SLC5A4: variants seen among roughly 807,000 people sequenced by gnomAD.
SLC5A4 encodes the protein solute carrier family 5 member 4.
SLC5A4 carries 55 observed loss-of-function variants against 70.3 expected under a neutral mutation model. The ratio of observed to expected loss-of-function variants is 0.78; its 90% CI spans 0.63 to 0.98. The LOEUF (loss-of-function observed/expected upper bound fraction) is 0.98, where lower values mean the gene tolerates loss of function less well. Ranked by LOEUF, SLC5A4 falls within the 50% of genes least tolerant of loss-of-function variation. SLC5A4 has a pLI of 0.00. For synonymous variants in SLC5A4, 268 were observed against 305.7 expected, an observed-to-expected ratio of 0.88 and a Z score of 1.29; for missense variants, 735 against 839.2, an observed-to-expected ratio of 0.88 and a Z score of 1.53.
At chr22:32,240,154 G>T (rs1039113790) in intron 5 of SLC5A4, among the ~76,000 whole-genome samples, 1 of 151,782 alleles carries the variant, frequency 6.6e-6, no homozygotes, top group African/African-American at 2.4e-5. Flanking sequence ...GGTTAGTTAT[G>T]ATTATTTTTG....
At position 32,224,293 on chromosome 22, in the gene SLC5A4, A is replaced by C. The variant is rs1925266636; in HGVS notation, c.1639T>G (p.Leu547Val). 3 of 1,613,700 alleles carry C rather than the reference A, an allele frequency of 1.9e-6. No homozygotes were observed. The highest frequency in any genetic ancestry group is 2.5e-6 in the Non-Finnish European group (3 of 1,179,704). Residue 547 changes from leucine to valine, a missense_variant, in exon 13 of 15, where the codon TTA becomes GTA. Coordinates refer to ENST00000266086, the MANE Select transcript of SLC5A4 (RefSeq NM_014227.3). ...TGTACATCAGGAATGGGTTTTGTTA[A>C]GAGGGAAATTCCCAGGGTGACCAGC... The part of the protein sequence containing the change: ...SMLVTLGISL[L>V]TKPIPDVHLY...
the SLC5A4 span, among the ~76,000 whole-genome samples, chr22:32,263,749 C>T: frequency 7.9e-5 from 12 of 152,262 alleles, no homozygotes; most frequent in African/African-American, 1.9e-4. Flanking sequence ...CACATGCACA[C>T]GTATTTTTAT....
chr22:32,259,677 CT>C (rs1219792044), upstream of SLC5A4, among the ~76,000 whole-genome samples: 8 of 152,142 alleles, frequency 5.3e-5, no homozygotes, highest in Non-Finnish European at 1.2e-4. Flanking sequence ...GTCTTTGTCT[CT>C]TTTTGGTATC....
the SLC5A4 span, among the ~76,000 whole-genome samples, chr22:32,315,291 G>A: frequency 0.02 from 3,031 of 149,660 alleles, 43 homozygotes; most frequent in Non-Finnish European, 0.032. Flanking sequence ...AAACAGAACT[G>A]GCATAAATAA....
chr22:32,326,317 C>T, the SLC5A4 span, among the ~76,000 whole-genome samples: 312 of 148,428 alleles, frequency 2.1e-3, 3 homozygotes, highest in African/African-American at 6.1e-3. Context: ...CAGGCAATGG[C>T]ACGATCTTGG....
the SLC5A4 span, chr22:32,343,142 G>T: frequency 6.6e-6 from 1 of 152,220 alleles, no homozygotes; most frequent in Non-Finnish European, 1.5e-5. Flanking sequence ...ATCTCAAACT[G>T]TGAAATAAAC....
chr22:32,311,165 A>C, the SLC5A4 span, among the ~76,000 whole-genome samples: 2 of 152,150 alleles, frequency 1.3e-5, no homozygotes, highest in East Asian at 3.9e-4. Flanking sequence ...TTGTCCCTCG[A>C]ACTGAGTTCC....
chr22:32,218,818 G>C, intron 14 of SLC5A4, 93 bp from the exon 15 acceptor site: 1 of 852,764 alleles, frequency 1.2e-6, no homozygotes, highest in Non-Finnish European at 1.8e-6. Context: ...TGTAAAAAAT[G>C]ATTACAATCA....
the SLC5A4 span, among the ~76,000 whole-genome samples, chr22:32,345,985 C>CA: frequency 6.6e-6 from 1 of 152,268 alleles, no homozygotes; most frequent in South Asian, 2.1e-4. Context: ...CTCTACTTTC[C>CA]AAGCTACTGG....
At chr22:32,335,196 G>T in the SLC5A4 span, among the ~76,000 whole-genome samples, 17 of 152,288 alleles carry the variant, frequency 1.1e-4, no homozygotes, top group African/African-American at 4.1e-4. Context: ...CTCTGGCTCT[G>T]CCCAGTGAGA....
intron 4 of SLC5A4, among the ~76,000 whole-genome samples, chr22:32,248,348 T>C (rs1926951999): frequency 6.6e-6 from 1 of 152,102 alleles, no homozygotes; most frequent in South Asian, 2.1e-4. Flanking sequence ...CTTATCTGAG[T>C]TCCTCTCTCA....
At chr22:32,308,946 TTACC>T in the SLC5A4 span, among the ~76,000 whole-genome samples, 987 of 152,312 alleles carry the variant, frequency 6.5e-3, 14 homozygotes, top group African/African-American at 0.023. Flanking sequence ...TCCTTCCTTC[TTACC>T]TACCTACCTA....
At chr22:32,227,870 G>A (rs1037580476) in intron 11 of SLC5A4, among the ~76,000 whole-genome samples, 5 of 151,086 alleles carry the variant, frequency 3.3e-5, no homozygotes, top group African/African-American at 9.9e-5. Context: ...GGGAGGCTGA[G>A]GCAGGAGAAT....
chr22:32,338,022 A>AT, the SLC5A4 span, among the ~76,000 whole-genome samples: 1 of 152,046 alleles, frequency 6.6e-6, no homozygotes, highest in Non-Finnish European at 1.5e-5. Context: ...AGTCAGTGTG[A>AT]TGCAGCCCCA....
the SLC5A4 span, among the ~76,000 whole-genome samples, chr22:32,348,127 T>A: frequency 1.3e-5 from 2 of 152,154 alleles, no homozygotes; most frequent in East Asian, 3.9e-4. Context: ...TGGGCTTCTG[T>A]GACTTAGGGT....
In SLC5A4 at chr22:32,234,988, G is replaced by C; in HGVS notation, c.770C>G (p.Thr257Arg). Residue 257 changes from threonine to arginine, a missense_variant, in exon 8 of 15, where the codon ACA (threonine) becomes AGA (arginine). By Grantham distance (71) the Thr-to-Arg change is moderately conservative. Coordinates refer to ENST00000266086, the MANE Select transcript of SLC5A4 (RefSeq NM_014227.3). ...GATGTGGAAGGAGTCCGCCCGAGGTGTGTAGCAACTGGCACTGATTGTCAA... is the reference window on the plus strand; with the variant it reads ...GATGTGGAAGGAGTCCGCCCGAGGTCTGTAGCAACTGGCACTGATTGTCAA... The part of the protein sequence containing the change: ...DNLTISASCY[T>R]PRADSFHIFR... The C allele has an allele frequency of 6.2e-7, 1 of 1,613,908 alleles. No homozygotes were observed. Among genetic ancestry groups the C allele is most frequent in the Non-Finnish European group, 8.5e-7 (1 of 1,179,930 alleles).
the SLC5A4 span, among the ~76,000 whole-genome samples, chr22:32,350,971 G>A: frequency 2.0e-5 from 3 of 152,004 alleles, no homozygotes; most frequent in South Asian, 4.2e-4. Context: ...CAACACTGCA[G>A]GTTCTTAAAG....
At chr22:32,300,711 C>T in the SLC5A4 span, among the ~76,000 whole-genome samples, 1 of 152,164 alleles carries the variant, frequency 6.6e-6, no homozygotes, top group Non-Finnish European at 1.5e-5. Flanking sequence ...GGAGCTTCAT[C>T]CAGATTTTTG....
At chr22:32,318,879 T>C in the SLC5A4 span, among the ~76,000 whole-genome samples, 1 of 152,206 alleles carries the variant, frequency 6.6e-6, no homozygotes, top group East Asian at 1.9e-4. Flanking sequence ...TAATGGTTTG[T>C]TTAGTGTCAA....
Sources: gnomAD v4.1 joint callset for allele counts (sites outside exome capture counted in the v4.1 genomes callset) on GRCh38, gnomAD v4.1.1 for gene constraint, MANE v1.5 for transcripts, NCBI Gene and HGNC (gene_info 2026-07-23, HGNC 2026-07-21) for gene names.